INTS9: variants seen among roughly 807,000 people sequenced by gnomAD.
INTS9 encodes the protein protein related to CPSF subunits of 74 kDa.
INTS9 carries 55 observed loss-of-function variants against 79.7 expected under a neutral mutation model. The ratio of observed to expected loss-of-function variants is 0.69; its 90% CI spans 0.56 to 0.86. The LOEUF (loss-of-function observed/expected upper bound fraction) is 0.86, where lower values mean the gene tolerates loss of function less well. Ranked by LOEUF, INTS9 falls within the 40% of genes least tolerant of loss-of-function variation. The pLI is 0.00. For missense variants in INTS9, 721 were observed against 831.5 expected (o/e 0.87, Z 1.64); for synonymous variants, 319 against 325.2 (o/e 0.98, Z 0.20).
At chr8:28,846,865 C>A (rs1807548383) in intron 3 of INTS9, 56 bp from the exon 4 acceptor site, 5 of 1,335,092 alleles carry the variant, frequency 3.7e-6, no homozygotes, top group South Asian at 1.2e-5. Flanking sequence ...GATACAGGAC[C>A]AAAGAAATAA....
intron 1 of INTS9, among the ~76,000 whole-genome samples, chr8:28,865,787 C>T (rs1180452499): frequency 2.0e-5 from 3 of 152,144 alleles, no homozygotes; most frequent in African/African-American, 7.2e-5. Context: ...ATGCTTCTAA[C>T]ACATAACTCG....
At chr8:28,877,401 GA>G (rs1221353426) in intron 1 of INTS9, among the ~76,000 whole-genome samples, 1 of 152,028 alleles carries the variant, frequency 6.6e-6, no homozygotes, top group Non-Finnish European at 1.5e-5. Flanking sequence ...TTTTCAGTGA[GA>G]AAAAAACAAG....
At chr8:28,829,063 A>G (rs1462335244) in intron 6 of INTS9, among the ~76,000 whole-genome samples, 1 of 152,230 alleles carries the variant, frequency 6.6e-6, no homozygotes, top group East Asian at 1.9e-4. Flanking sequence ...AAATTCAGCC[A>G]AGACTATATC....
intron 14 of INTS9, among the ~76,000 whole-genome samples, chr8:28,773,094 A>G (rs1038882339): frequency 6.6e-6 from 1 of 152,220 alleles, no homozygotes; most frequent in Admixed American, 6.5e-5. Flanking sequence ...AAATAAACAT[A>G]TATGGACAAA....
At chr8:28,843,492 T>C (rs1207569397) in intron 4 of INTS9, among the ~76,000 whole-genome samples, 2 of 152,234 alleles carry the variant, frequency 1.3e-5, no homozygotes, top group Non-Finnish European at 2.9e-5. Flanking sequence ...TTTCCTGTTA[T>C]CTTGACATTT....
chr8:28,783,323 C>T (rs557346903), intron 11 of INTS9, among the ~76,000 whole-genome samples: 19 of 152,154 alleles, frequency 1.2e-4, no homozygotes, highest in Admixed American at 3.3e-4. Flanking sequence ...CATCTTGTAA[C>T]GTCTCAGACA....
At chr8:28,859,783 G>T in intron 1 of INTS9, 1 of 614,462 alleles carries the variant, frequency 1.6e-6, no homozygotes. Flanking sequence ...TCTTTTCACA[G>T]GGTGCCAAGG....
At chr8:28,868,397 T>A (rs1380356738) in intron 1 of INTS9, among the ~76,000 whole-genome samples, 3 of 152,232 alleles carry the variant, frequency 2.0e-5, no homozygotes, top group Non-Finnish European at 1.5e-5. Flanking sequence ...GCTGAATTGA[T>A]GCCAATAGCT....
chr8:28,784,155 C>T (rs1166713119), intron 11 of INTS9, among the ~76,000 whole-genome samples: 2 of 152,174 alleles, frequency 1.3e-5, no homozygotes, highest in East Asian at 3.9e-4. Context: ...CAAGGGTTGA[C>T]TCCCTCATGC....
Position 28,768,388 on chromosome 8 carries a change from A to G in INTS9, c.1801-66T>C, listed in dbSNP as rs745758146. The G allele has an allele frequency of 2.1e-6, 3 of 1,443,966 alleles. No individual in the cohort carries two copies. The South Asian group carries it at 3.4e-5, about 16-fold the overall frequency. 89.4% of individuals were successfully genotyped at this position (1,443,966 alleles called of 1,614,324 possible). A position where few individuals can be genotyped will look rare whatever the true frequency, so the allele number is the denominator to read the frequency against. On this transcript the variant is annotated intron_variant, in intron 16 of 16. Transcript: ENST00000521022. The stretch of plus-strand genomic sequence containing the variant: ...CACATCTGTGAGATCTGTAAATGAC[A>G]CTTCACAGACTCGACTGAACTTTCT...
chr8:28,775,650 C>T, intron 14 of INTS9, 109 bp downstream of exon 14: 1 of 1,210,126 alleles, frequency 8.3e-7, no homozygotes, highest in Non-Finnish European at 1.2e-6. Flanking sequence ...CTGCGCGCAG[C>T]CTGGTTCATT....
intron 2 of INTS9, among the ~76,000 whole-genome samples, chr8:28,853,532 C>T (rs1260215777): frequency 6.6e-6 from 1 of 151,794 alleles, no homozygotes; most frequent in South Asian, 2.1e-4. Context: ...ACTAACATTT[C>T]TTAGGAAAAA....
At chr8:28,860,382 C>A (rs992167171) in intron 1 of INTS9, among the ~76,000 whole-genome samples, 1 of 152,190 alleles carries the variant, frequency 6.6e-6, no homozygotes, top group Non-Finnish European at 1.5e-5. Flanking sequence ...TGGAAGAAGA[C>A]CCTTTCCCAA....
At position 28,767,669 on chromosome 8, in the gene INTS9, A is replaced by C. The variant is rs1290511187; in HGVS notation, c.*477T>G. The C allele has an allele frequency of 1.2e-5, 2 of 163,562 alleles. No individual in the cohort carries two copies. Among genetic ancestry groups the C allele is most frequent in the Non-Finnish European group, 2.7e-5 (2 of 74,934 alleles). 10.1% of individuals were successfully genotyped at this position (163,562 alleles called of 1,614,324 possible). A position where few individuals can be genotyped will look rare whatever the true frequency, so the allele number is the denominator to read the frequency against. On this transcript the variant is annotated 3_prime_UTR_variant, in exon 17 of 17. Coordinates refer to ENST00000521022, the MANE Select transcript of INTS9 (RefSeq NM_018250.4). ...CAACAGAGGACAGCTAATTATATAAAAATAAGTGTTTATTAACAAATGGGC... is the reference window on the plus strand; with the variant it reads ...CAACAGAGGACAGCTAATTATATAACAATAAGTGTTTATTAACAAATGGGC...
intron 1 of INTS9, among the ~76,000 whole-genome samples, chr8:28,863,944 G>A (rs1808590498): frequency 1.3e-5 from 2 of 152,294 alleles, no homozygotes; most frequent in South Asian, 4.2e-4. Context: ...AAATGGTTTT[G>A]AAAGTTACAT....
intron 1 of INTS9, among the ~76,000 whole-genome samples, chr8:28,875,264 C>T (rs1297914833): frequency 1.3e-5 from 2 of 152,032 alleles, no homozygotes; most frequent in Non-Finnish European, 2.9e-5. Context: ...CATTTTTGTA[C>T]ACACTGCTAC....
Position 28,778,548 on chromosome 8 carries a change from A to G in INTS9, c.1271-595T>C, listed in dbSNP as rs984326327. Among the ~76,000 whole-genome samples, 12 of 152,276 alleles carry G rather than the reference A, an allele frequency of 7.9e-5. No homozygotes were observed. In the East Asian group the frequency reaches 2.3e-3, roughly 29 times the overall value. ...GCCTCCAGGCCCGTGAATGGTCTGT[A>G]GACTGAGACTGGGATGCTCCCCAGC... On this transcript the variant is annotated intron_variant, in intron 12 of 16. Coordinates refer to ENST00000521022, the MANE Select transcript of INTS9 (RefSeq NM_018250.4).
chr8:28,827,066 G>C lies in INTS9; in HGVS notation c.488+8226C>G, dbSNP rs375948771. Reference sequence around the variant, plus strand: ...GCTTACTTGAGGTCCTAATTACAGAGAGGCATTTATAGAGCCATTTAAAGC... The same window carrying C: ...GCTTACTTGAGGTCCTAATTACAGACAGGCATTTATAGAGCCATTTAAAGC... On this transcript the variant is annotated intron_variant, in intron 6 of 16. Coordinates refer to ENST00000521022, the MANE Select transcript of INTS9 (RefSeq NM_018250.4). Among the ~76,000 whole-genome samples, 26 of 152,274 alleles carry C rather than the reference G, an allele frequency of 1.7e-4. No homozygotes were observed. In the East Asian group the frequency reaches 1.7e-3, roughly 10 times the overall value.
intron 1 of INTS9, among the ~76,000 whole-genome samples, chr8:28,880,457 C>T (rs1444033724): frequency 6.6e-6 from 1 of 152,126 alleles, no homozygotes; most frequent in African/African-American, 2.4e-5. Context: ...GACGGGGTTT[C>T]GATGTGTTGG....
Sources: allele counts gnomAD v4.1 joint callset (sites outside exome capture counted in the v4.1 genomes callset), GRCh38; gene constraint gnomAD v4.1.1; transcripts MANE v1.5; gene names NCBI Gene and HGNC (gene_info 2026-07-23, HGNC 2026-07-21).